SH3BGRL2: variants seen among roughly 807,000 people sequenced by gnomAD.
SH3BGRL2 encodes SH3 domain binding glutamate rich protein like 2.
In SH3BGRL2, 21 loss-of-function variants were observed where a neutral mutation model predicts 14.8. The ratio of observed to expected loss-of-function variants is 1.42; its 90% CI spans 1.01 to 2.05. The LOEUF (loss-of-function observed/expected upper bound fraction) is 2.05. Ranked by LOEUF, SH3BGRL2 falls within the 30% of genes most tolerant of loss-of-function variation. The pLI, the probability that SH3BGRL2 is intolerant of heterozygous loss-of-function variation, is 0.00. For missense variants in SH3BGRL2, 147 were observed against 130.8 expected, an observed-to-expected ratio of 1.12 and a Z score of -0.61; for synonymous variants, 50 against 47.8, an observed-to-expected ratio of 1.05 and a Z score of -0.19.
At chr6:79,699,257 T>C (rs1274597233) in intron 3 of SH3BGRL2, among the ~76,000 whole-genome samples, 4 of 152,114 alleles carry the variant, frequency 2.6e-5, no homozygotes, top group Non-Finnish European at 5.9e-5. Context: ...CAGTAGGTCA[T>C]TGAAAACATG....
rs1211515491 is a variant in SH3BGRL2 at position 79,699,770 on chromosome 6, T to TA, written c.*262dup. ...CTCACCTGGAAATACCGTCACCTGT[T>TA]ACAGGTGTACTTTCTTAATGACTGA... On this transcript the variant is annotated 3_prime_UTR_variant, in exon 4 of 4. Coordinates refer to ENST00000369838, the MANE Select transcript of SH3BGRL2 (RefSeq NM_031469.4). The TA allele has an allele frequency of 9.3e-6, 4 of 429,150 alleles. No individual in the cohort carries two copies. Among genetic ancestry groups the TA allele is most frequent in the Non-Finnish European group, 1.6e-5 (4 of 246,654 alleles). 26.6% of individuals were successfully genotyped at this position (429,150 alleles called of 1,614,324 possible).
chr6:79,674,114 G>A (rs915045679), intron 2 of SH3BGRL2, among the ~76,000 whole-genome samples: 2 of 151,998 alleles, frequency 1.3e-5, no homozygotes, highest in African/African-American at 4.8e-5. Context: ...ATGTATGTGT[G>A]TATTATGTTC....
chr6:79,578,488 G>A, the SH3BGRL2 span, among the ~76,000 whole-genome samples: 1 of 152,188 alleles, frequency 6.6e-6, no homozygotes, highest in Non-Finnish European at 1.5e-5. Context: ...AGCCTTTGCT[G>A]GTGATACCCA....
At chr6:79,669,036 C>T (rs1396002066) in intron 1 of SH3BGRL2, among the ~76,000 whole-genome samples, 1 of 152,132 alleles carries the variant, frequency 6.6e-6, no homozygotes, top group African/African-American at 2.4e-5. Context: ...AAATTACTCA[C>T]TTAGTTTGAA....
Position 79,701,653 on chromosome 6 carries a change from G to A in SH3BGRL2, c.*2144G>A, listed in dbSNP as rs1338653070. ...CAAAGAAATACAGGAGACCAGTCTC[G>A]AGTGGTGCTGTACTTGTTATGAGTG... On this transcript the variant is annotated 3_prime_UTR_variant, in exon 4 of 4. Coordinates refer to ENST00000369838, the MANE Select transcript of SH3BGRL2 (RefSeq NM_031469.4). 5 of 140,146 alleles carry A rather than the reference G, an allele frequency of 3.6e-5. No homozygotes were observed. The highest frequency in any genetic ancestry group is 3.0e-5 in the Non-Finnish European group (2 of 66,424). The allele number at this position is 140,146 out of a possible 1,614,324, so 8.7% of individuals were successfully genotyped here.
chr6:79,615,832 C>CTT, the SH3BGRL2 span, among the ~76,000 whole-genome samples: 44,548 of 108,890 alleles, frequency 0.41, 8,985 homozygotes, highest in Non-Finnish European at 0.44. Flanking sequence ...TTTTTTCTTT[C>CTT]TTTTTTTTTT....
chr6:79,653,875 G>T (rs1769353547), intron 1 of SH3BGRL2, among the ~76,000 whole-genome samples: 1 of 152,192 alleles, frequency 6.6e-6, no homozygotes, highest in Non-Finnish European at 1.5e-5. Flanking sequence ...GCTAGCTCAA[G>T]CTTCTTCACT....
chr6:79,671,700 G>A (rs1287144167), intron 1 of SH3BGRL2, among the ~76,000 whole-genome samples: 4 of 152,276 alleles, frequency 2.6e-5, no homozygotes, highest in Non-Finnish European at 1.5e-5. Flanking sequence ...TCCTGTTACC[G>A]CATGGGAAGC....
chr6:79,572,429 A>G, the SH3BGRL2 span, among the ~76,000 whole-genome samples: 6 of 150,192 alleles, frequency 4.0e-5, no homozygotes, highest in East Asian at 9.7e-4. Flanking sequence ...TTATGGGTAT[A>G]AAATGGCATC....
the SH3BGRL2 span, among the ~76,000 whole-genome samples, chr6:79,609,526 C>T: frequency 1.3e-5 from 2 of 152,162 alleles, no homozygotes; most frequent in East Asian, 3.9e-4. Context: ...CCTCATGTGT[C>T]TGTCTGGCCT....
chr6:79,568,034 CA>C, the SH3BGRL2 span, among the ~76,000 whole-genome samples: 1 of 152,134 alleles, frequency 6.6e-6, no homozygotes, highest in Admixed American at 6.5e-5. Context: ...ATTTTGTACC[CA>C]AAACATTGGC....
the SH3BGRL2 span, among the ~76,000 whole-genome samples, chr6:79,608,198 T>A: frequency 6.6e-6 from 1 of 152,088 alleles, no homozygotes; most frequent in Admixed American, 6.5e-5. Context: ...TCCAATCACC[T>A]CCTCTAACAC....
chr6:79,604,605 C>T, the SH3BGRL2 span, among the ~76,000 whole-genome samples: 2 of 152,148 alleles, frequency 1.3e-5, no homozygotes, highest in South Asian at 2.1e-4. Context: ...TGGTTATTCT[C>T]TTCTCTCTTC....
chr6:79,645,763 T>C (rs75761754), intron 1 of SH3BGRL2, among the ~76,000 whole-genome samples: 17,962 of 152,232 alleles, frequency 0.12, 1,235 homozygotes, highest in Non-Finnish European at 0.15. Flanking sequence ...GGCTTCATTA[T>C]TTCACATTAT....
intron 1 of SH3BGRL2, among the ~76,000 whole-genome samples, chr6:79,655,191 G>A (rs1562148691): frequency 6.6e-6 from 1 of 152,082 alleles, no homozygotes; most frequent in Non-Finnish European, 1.5e-5. Context: ...GGGCATAAGA[G>A]GGAGCATATG....
chr6:79,564,653 T>C, the SH3BGRL2 span, among the ~76,000 whole-genome samples: 5 of 152,170 alleles, frequency 3.3e-5, no homozygotes, highest in Non-Finnish European at 5.9e-5. Flanking sequence ...TTAAAATATA[T>C]ACTATATTTT....
At chr6:79,680,900 T>A (rs1025696508) in intron 2 of SH3BGRL2, among the ~76,000 whole-genome samples, 1 of 152,208 alleles carries the variant, frequency 6.6e-6, no homozygotes, top group Non-Finnish European at 1.5e-5. Context: ...ACTGATTTTT[T>A]TGTGTGTTGA....
At chr6:79,655,478 AT>A (rs1357411315) in intron 1 of SH3BGRL2, among the ~76,000 whole-genome samples, 3 of 152,106 alleles carry the variant, frequency 2.0e-5, no homozygotes, top group Non-Finnish European at 2.9e-5. Flanking sequence ...AAACTATACA[AT>A]TCGGTGGCTT....
At chr6:79,687,746 C>T (rs1007627281) in intron 2 of SH3BGRL2, among the ~76,000 whole-genome samples, 2 of 152,150 alleles carry the variant, frequency 1.3e-5, no homozygotes, top group African/African-American at 4.8e-5. Flanking sequence ...TAAAAAATTG[C>T]TTTTTAAAAA....
Sources: allele counts gnomAD v4.1 joint callset (sites outside exome capture counted in the v4.1 genomes callset), GRCh38; gene constraint gnomAD v4.1.1; transcripts MANE v1.5; gene names NCBI Gene and HGNC (gene_info 2026-07-23, HGNC 2026-07-21).